KATNIP: variants seen among roughly 807,000 people sequenced by gnomAD.
The protein encoded by KATNIP is katanin interacting protein.
A neutral mutation model predicts 174.0 loss-of-function variants in KATNIP; 126 were observed. The ratio of observed to expected loss-of-function variants is 0.72; its 90% CI spans 0.63 to 0.84. The LOEUF is 0.84. KATNIP is among the 40% of genes least tolerant of loss of function. The probability of loss-of-function intolerance (pLI) is 0.00; values close to 1 mark genes in which losing one functional copy is unlikely to be tolerated. For missense variants in KATNIP, 1,958 were observed against 2,109.7 expected (o/e 0.93, Z 1.41); for synonymous variants, 810 against 835.7 (o/e 0.97, Z 0.53).
At chr16:27,615,506 C>T (rs1043198996) in intron 2 of KATNIP, among the ~76,000 whole-genome samples, 9 of 152,020 alleles carry the variant, frequency 5.9e-5, no homozygotes, top group Admixed American at 5.2e-4. Flanking sequence ...AGACGTGTAC[C>T]ACCATGCCTG....
At chr16:27,651,870 C>T in intron 6 of KATNIP, among the ~76,000 whole-genome samples, 1 of 152,210 alleles carries the variant, frequency 6.6e-6, no homozygotes, top group Non-Finnish European at 1.5e-5. Flanking sequence ...CAGGCGCCAA[C>T]CAGTACGCCC....
chr16:27,677,696 TTA>T, intron 6 of KATNIP, 31 bp from the exon 7 acceptor site: 2 of 1,577,240 alleles, frequency 1.3e-6, no homozygotes, highest in Non-Finnish European at 1.7e-6. Flanking sequence ...GGTACCATAT[TTA>T]TCTCTCATCT....
chr16:27,718,136 G>C (rs1053000391), intron 13 of KATNIP: 1 of 152,208 alleles, frequency 6.6e-6, no homozygotes, highest in Non-Finnish European at 1.5e-5. Context: ...ATGGAGGCTC[G>C]GATCCTCACT....
chr16:27,761,317 A>G, intron 18 of KATNIP, 96 bp from the exon 19 acceptor site: 1 of 1,311,544 alleles, frequency 7.6e-7, no homozygotes, highest in Non-Finnish European at 1.0e-6. Context: ...AGTTGCTAGA[A>G]TATAGAGGCC....
At chr16:27,601,649 T>C (rs773307204) in intron 2 of KATNIP, among the ~76,000 whole-genome samples, 2 of 152,086 alleles carry the variant, frequency 1.3e-5, no homozygotes, top group Non-Finnish European at 2.9e-5. Flanking sequence ...AGAAGGACCA[T>C]GTGGCTATTA....
intron 1 of KATNIP, among the ~76,000 whole-genome samples, chr16:27,558,546 A>G (rs1337577882): frequency 6.6e-6 from 1 of 152,246 alleles, no homozygotes; most frequent in East Asian, 1.9e-4. Flanking sequence ...ACATTTCAAC[A>G]TGGGAGTCCT....
chr16:27,770,010 G>T lies in KATNIP; in HGVS notation c.4125G>T (p.Pro1375=), dbSNP rs139502971. 10 of 1,613,236 alleles carry T rather than the reference G, an allele frequency of 6.2e-6. No individual in the cohort carries two copies. Among genetic ancestry groups the T allele is most frequent in the Non-Finnish European group, 8.5e-6 (10 of 1,179,280 alleles). The change falls in exon 21 of 28, where the codon CCG becomes CCT. Residue 1375 remains proline, a synonymous_variant. Transcript: ENST00000261588. ...TACGGGCTCAGCTGCTGCCCCAGCC[G>T]GCCAGGAGGTGAGGAGAAAGTGGGC... ...DYLRAQLLPQ[P]ARRLDMRSLE...
chr16:27,609,376 GTC>G (rs1167570025), intron 2 of KATNIP, among the ~76,000 whole-genome samples: 3 of 120,240 alleles, frequency 2.5e-5, no homozygotes, highest in African/African-American at 9.6e-5. Context: ...TCTGAGTTAA[GTC>G]TTTTTTTTTT....
At chr16:27,716,829 G>T (rs540928621) in intron 13 of KATNIP, among the ~76,000 whole-genome samples, 2 of 151,460 alleles carry the variant, frequency 1.3e-5, no homozygotes, top group African/African-American at 4.9e-5. Context: ...CTACGTAAAT[G>T]GAATCATACC....
At chr16:27,649,428 C>A (rs952077346) in intron 6 of KATNIP, among the ~76,000 whole-genome samples, 10 of 152,218 alleles carry the variant, frequency 6.6e-5, no homozygotes, top group African/African-American at 2.4e-4. Context: ...GACCATCAGG[C>A]TCTGTCCCAG....
intron 1 of KATNIP, among the ~76,000 whole-genome samples, chr16:27,553,841 G>C (rs1041647465): frequency 1.3e-5 from 2 of 151,358 alleles, no homozygotes; most frequent in African/African-American, 4.8e-5. Context: ...ATAGTGGCTC[G>C]TGCCTGTAGT....
chr16:27,699,970 G>A (rs2079042496), intron 10 of KATNIP, among the ~76,000 whole-genome samples: 1 of 151,970 alleles, frequency 6.6e-6, no homozygotes, highest in Non-Finnish European at 1.5e-5. Context: ...GAGTGCAATG[G>A]TGCAATCTCG....
chr16:27,747,786 C>T (rs900888595), intron 15 of KATNIP, among the ~76,000 whole-genome samples: 1 of 152,006 alleles, frequency 6.6e-6, no homozygotes, highest in Admixed American at 6.5e-5. Flanking sequence ...TGGCAGAGCA[C>T]CTGAGCGAAA....
At chr16:27,624,852 T>A (rs2076288118) in intron 3 of KATNIP, among the ~76,000 whole-genome samples, 1 of 152,102 alleles carries the variant, frequency 6.6e-6, no homozygotes, top group Non-Finnish European at 1.5e-5. Flanking sequence ...ATTGAGAGCT[T>A]TCCTCATTCA....
At chr16:27,631,543 TAAA>T (rs80028032) in intron 5 of KATNIP, among the ~76,000 whole-genome samples, 1 of 119,398 alleles carries the variant, frequency 8.4e-6, no homozygotes. Context: ...AGAGCCTGTC[TAAA>T]AAAAAAAAAA....
chr16:27,760,691 C>G (rs2081918584), intron 18 of KATNIP, among the ~76,000 whole-genome samples: 1 of 152,204 alleles, frequency 6.6e-6, no homozygotes, highest in Non-Finnish European at 1.5e-5. Flanking sequence ...ATGCCAGGCT[C>G]AGGACACAGT....
At position 27,677,875 on chromosome 16, in the gene KATNIP, C is replaced by T. The variant is rs753841704; in HGVS notation, c.687C>T (p.Asp229=). The T allele has an allele frequency of 1.2e-6, 2 of 1,614,244 alleles. No homozygotes were observed. The highest frequency in any genetic ancestry group is 1.7e-6 in the Non-Finnish European group (2 of 1,180,052). The change falls in exon 7 of 28, where the codon GAC becomes GAT. Residue 229 remains aspartate (D), a synonymous_variant. Coordinates refer to ENST00000261588, the MANE Select transcript of KATNIP (RefSeq NM_015202.5). ...DPALVGHPRH[D]RPPSSGDWTQ... ...CACTGGTGGGCCATCCCAGACATGA[C>T]CGCCCTCCTTCCAGTGGCGACTGGA...
chr16:27,678,229 T>C (rs1004447306), intron 7 of KATNIP, among the ~76,000 whole-genome samples: 2 of 152,228 alleles, frequency 1.3e-5, no homozygotes, highest in Non-Finnish European at 2.9e-5. Context: ...AGGTGTCTGT[T>C]CTGTACACTG....
chr16:27,620,704 C>T (rs2076169818), intron 3 of KATNIP, among the ~76,000 whole-genome samples: 1 of 152,112 alleles, frequency 6.6e-6, no homozygotes, highest in Non-Finnish European at 1.5e-5. Context: ...GATGAAAACC[C>T]AGGCTGCTTA....
Sources: gnomAD v4.1 joint callset for allele counts (sites outside exome capture counted in the v4.1 genomes callset) on GRCh38, gnomAD v4.1.1 for gene constraint, MANE v1.5 for transcripts, NCBI Gene and HGNC (gene_info 2026-07-23, HGNC 2026-07-21) for gene names.